The following MGAT4C variants were observed in gnomAD, a reference collection of about 807,000 sequenced individuals.
MGAT4C encodes alpha-1,3-mannosyl-glycoprotein 4-beta-N-acetylglucosaminyltransferase C.
In MGAT4C, 19 loss-of-function variants were observed where a neutral mutation model predicts 40.1. The ratio of observed to expected loss-of-function variants is 0.47; its 90% CI spans 0.33 to 0.70. MGAT4C has a LOEUF of 0.70. Among genes scored for constraint, MGAT4C ranks in the 30% least tolerant of loss-of-function variants. MGAT4C has a pLI of 0.02. For missense variants in MGAT4C, 491 were observed against 563.2 expected, an observed-to-expected ratio of 0.87 and a Z score of 1.30; for synonymous variants, 181 against 187.1, an observed-to-expected ratio of 0.97 and a Z score of 0.27.
chr12:85,960,708 A>G lies in MGAT4C; in HGVS notation c.*18581T>C, dbSNP rs1408222643. 1 of 148,134 alleles carries G rather than the reference A, an allele frequency of 6.8e-6. No homozygotes were observed. Among genetic ancestry groups the G allele is most frequent in the Non-Finnish European group, 1.5e-5 (1 of 65,116 alleles). 9.2% of individuals were successfully genotyped at this position (148,134 alleles called of 1,614,324 possible). On this transcript the variant is annotated 3_prime_UTR_variant, in exon 5 of 5. Transcript: ENST00000611864. ...AGACTGTGCTGAAGGAAATGATGGCATGAACAACTCTAGATAATTTTTGTT... is the reference window on the plus strand; with the variant it reads ...AGACTGTGCTGAAGGAAATGATGGCGTGAACAACTCTAGATAATTTTTGTT...
In MGAT4C at chr12:86,273,318, G is replaced by A. The variant is rs563597278; in HGVS notation, c.-57+60747C>T. Among the ~76,000 whole-genome samples the A allele has an allele frequency of 2.4e-4, 37 of 152,000 alleles. No homozygotes were observed. The South Asian group carries it at 7.7e-3, about 32-fold the overall frequency. On this transcript the variant is annotated intron_variant, in intron 4 of 7. Transcript: ENST00000548651. The stretch of plus-strand genomic sequence containing the variant: ...ATTAGTAACAATATTTATTTCTTTG[G>A]TACTTTATAACAATTAAATAAATTG...
intron 1 of MGAT4C, among the ~76,000 whole-genome samples, chr12:86,192,271 A>G (rs1326466679): frequency 2.0e-5 from 3 of 152,058 alleles, no homozygotes; most frequent in African/African-American, 7.2e-5. Flanking sequence ...TCCAAAATCA[A>G]AGAGTGTCTG....
intron 2 of MGAT4C, among the ~76,000 whole-genome samples, chr12:86,033,685 A>T (rs1033072372): frequency 2.7e-5 from 4 of 149,580 alleles, no homozygotes; most frequent in Admixed American, 2.0e-4. Context: ...GTATAAAATC[A>T]TATTCTCTGC....
intron 1 of MGAT4C, among the ~76,000 whole-genome samples, chr12:86,060,433 T>C (rs140688092): frequency 3.7e-3 from 570 of 152,328 alleles, no homozygotes; most frequent in African/African-American, 0.013. Flanking sequence ...TTATAGCTTA[T>C]GTTTATGGCT....
chr12:86,740,869 T>C (rs1023714037), intron 1 of MGAT4C, among the ~76,000 whole-genome samples: 2 of 151,264 alleles, frequency 1.3e-5, no homozygotes, highest in Non-Finnish European at 3.0e-5. Flanking sequence ...TCAACTTTTA[T>C]ATACAGAGAG....
intron 1 of MGAT4C, among the ~76,000 whole-genome samples, chr12:86,799,274 A>G (rs1469091359): frequency 1.3e-5 from 2 of 151,676 alleles, no homozygotes; most frequent in Admixed American, 1.3e-4. Context: ...AACTCTCAAA[A>G]TATTTCTTAA....
chr12:86,111,421 G>A (rs1247387270), intron 1 of MGAT4C, among the ~76,000 whole-genome samples: 2 of 151,738 alleles, frequency 1.3e-5, no homozygotes, highest in Non-Finnish European at 1.5e-5. Context: ...CAAGACTATG[G>A]AACAAGAATT....
intron 1 of MGAT4C, among the ~76,000 whole-genome samples, chr12:86,774,337 T>TTCTTTCTTTCTTTTCTTTCTTTCTTTCTC (rs1207664798): frequency 9.3e-6 from 1 of 107,044 alleles, no homozygotes; most frequent in Non-Finnish European, 1.9e-5. Context: ...CTTTCTTTCT[T>TTCTTTCTTTCTTTTCTTTCTTTCTTTCTC]TCTGTCTCTC....
chr12:86,828,807 C>A (rs1485330346), intron 1 of MGAT4C, among the ~76,000 whole-genome samples: 2 of 151,214 alleles, frequency 1.3e-5, no homozygotes, highest in African/African-American at 4.8e-5. Context: ...TCCAAAAAAG[C>A]AAAGATAGAG....
At chr12:86,423,910 C>G (rs1345523767) in intron 3 of MGAT4C, among the ~76,000 whole-genome samples, 1 of 152,070 alleles carries the variant, frequency 6.6e-6, no homozygotes, top group Non-Finnish European at 1.5e-5. Flanking sequence ...CAAAAAGGAG[C>G]CTCAAAGGGG....
intron 2 of MGAT4C, among the ~76,000 whole-genome samples, chr12:86,511,584 C>A (rs1388650559): frequency 1.3e-5 from 2 of 151,942 alleles, no homozygotes; most frequent in African/African-American, 4.8e-5. Flanking sequence ...ATAGAGATCC[C>A]AGAAATAAAT....
chr12:86,447,466 C>T (rs919366086), intron 2 of MGAT4C, among the ~76,000 whole-genome samples: 3 of 152,066 alleles, frequency 2.0e-5, no homozygotes, highest in Non-Finnish European at 4.4e-5. Context: ...CTTGGCTATC[C>T]AAGTAACAAC....
At chr12:86,301,320 T>C (rs1336912824) in intron 4 of MGAT4C, among the ~76,000 whole-genome samples, 1 of 152,202 alleles carries the variant, frequency 6.6e-6, no homozygotes, top group Non-Finnish European at 1.5e-5. Flanking sequence ...CTTTAAAAGT[T>C]TGCTAAACTT....
chr12:86,757,348 C>G (rs1951323243), intron 1 of MGAT4C, among the ~76,000 whole-genome samples: 1 of 151,988 alleles, frequency 6.6e-6, no homozygotes, highest in African/African-American at 2.4e-5. Flanking sequence ...ATATGTACCC[C>G]AGAACTGAAA....
rs1212187906 is a variant in MGAT4C at position 86,774,355 on chromosome 12, C to CTTT, written c.-261-47115_-261-47114insAAA. Among the ~76,000 whole-genome samples the CTTT allele has an allele frequency of 4.1e-3, 84 of 20,398 alleles. 1 individual carries two copies. Among genetic ancestry groups the CTTT allele is most frequent in the East Asian group, 9.0e-3 (5 of 556 alleles). The allele number at this position is 20,398 out of a possible 152,430, so 13.4% of individuals were successfully genotyped here. A position where few individuals can be genotyped will look rare whatever the true frequency, so the allele number is the denominator to read the frequency against. On this transcript the variant is annotated intron_variant, in intron 1 of 7. Coordinates refer to the MGAT4C transcript ENST00000548651. ...TCTTTCTTTCTGTCTCTCTCTCTCCCCTCTCTCTCTCTCTCTTTCTGTCTG... is the reference window on the plus strand; with the variant it reads ...TCTTTCTTTCTGTCTCTCTCTCTCCCTTTCTCTCTCTCTCTCTCTTTCTGTCTG...
intron 2 of MGAT4C, among the ~76,000 whole-genome samples, chr12:86,465,023 A>C (rs1957659705): frequency 6.6e-6 from 1 of 152,172 alleles, no homozygotes; most frequent in Admixed American, 6.5e-5. Flanking sequence ...TCCGAGGCTC[A>C]GATCAGTTAG....
At chr12:86,299,246 A>T (rs1406131277) in intron 4 of MGAT4C, among the ~76,000 whole-genome samples, 1 of 152,070 alleles carries the variant, frequency 6.6e-6, no homozygotes, top group African/African-American at 2.4e-5. Context: ...CCTCCTGTGT[A>T]GCTGGGACTA....
At chr12:86,001,320 C>A (rs1214459786) in intron 2 of MGAT4C, among the ~76,000 whole-genome samples, 1 of 152,168 alleles carries the variant, frequency 6.6e-6, no homozygotes, top group Non-Finnish European at 1.5e-5. Context: ...TCTCTTTCTC[C>A]TACTTCAATA....
chr12:86,793,404 T>C (rs558322090), intron 1 of MGAT4C, among the ~76,000 whole-genome samples: 1 of 152,218 alleles, frequency 6.6e-6, no homozygotes, highest in African/African-American at 2.4e-5. Flanking sequence ...TTGTTGCCAT[T>C]AGTATTTTAA....
Sources: allele counts gnomAD v4.1 joint callset (sites outside exome capture counted in the v4.1 genomes callset), GRCh38; gene constraint gnomAD v4.1.1; transcripts MANE v1.5; gene names NCBI Gene and HGNC (gene_info 2026-07-23, HGNC 2026-07-21).